The following HS6ST2 variants were observed in gnomAD, a reference collection of about 807,000 sequenced individuals.
HS6ST2 encodes heparan sulfate 6-O-sulfotransferase 2, also known as heparan-sulfate 6-O-sulfotransferase 2.
In HS6ST2, 17 loss-of-function variants were observed where a neutral mutation model predicts 33.0. That is an observed-to-expected ratio of 0.52 (90% confidence interval 0.35 to 0.77). The LOEUF is 0.77. Ranked by LOEUF, HS6ST2 falls within the 30% of genes least tolerant of loss-of-function variation. The probability of loss-of-function intolerance (pLI) is 0.01; values close to 1 mark genes in which losing one functional copy is unlikely to be tolerated. For synonymous variants in HS6ST2, 248 were observed against 237.1 expected (o/e 1.05, Z -0.42); for missense variants, 519 against 551.7 (o/e 0.94, Z 0.59).
intron 2 of HS6ST2, among the ~76,000 whole-genome samples, chrX:132,769,205 A>G (rs1395991946): frequency 8.9e-6 from 1 of 112,440 alleles, no homozygotes; most frequent in East Asian, 2.8e-4. Context: ...CCCATCAGGC[A>G]AAGAATACCT....
intron 2 of HS6ST2, among the ~76,000 whole-genome samples, chrX:132,886,783 C>A (rs1461542106): frequency 9.0e-6 from 1 of 111,206 alleles, no homozygotes. Flanking sequence ...AGCATCAATA[C>A]AATTAATGCT....
At chrX:132,794,813 A>G (rs2065160090) in intron 2 of HS6ST2, among the ~76,000 whole-genome samples, 1 of 110,670 alleles carries the variant, frequency 9.0e-6, no homozygotes, top group African/African-American at 3.3e-5. Context: ...TAATGAAGAA[A>G]CTTGCCCACA....
intron 2 of HS6ST2, among the ~76,000 whole-genome samples, chrX:132,928,919 T>C (rs1394843991): frequency 1.8e-5 from 2 of 111,732 alleles, no homozygotes; most frequent in Non-Finnish European, 1.9e-5. Flanking sequence ...ATAGTCAATT[T>C]TTGTTTCTAT....
intron 2 of HS6ST2, among the ~76,000 whole-genome samples, chrX:132,732,482 T>C (rs185270314): frequency 1.2e-3 from 135 of 111,891 alleles, no homozygotes; most frequent in African/African-American, 4.2e-3. Flanking sequence ...TTGGCCGTGT[T>C]CCCATCCAAA....
intron 4 of HS6ST2, among the ~76,000 whole-genome samples, chrX:132,646,431 C>T (rs755952655): frequency 2.6e-4 from 28 of 108,227 alleles, no homozygotes; most frequent in East Asian, 8.7e-4. Context: ...ATACTTGGGA[C>T]GCTGAAGTGG....
chrX:132,840,941 G>A (rs2065701725), intron 2 of HS6ST2, among the ~76,000 whole-genome samples: 1 of 112,294 alleles, frequency 8.9e-6, no homozygotes, highest in East Asian at 2.8e-4. Context: ...ACTGGAGTGG[G>A]CCAGTGGAAA....
At chrX:132,901,080 GACT>G (rs1202316310) in intron 2 of HS6ST2, among the ~76,000 whole-genome samples, 7 of 111,735 alleles carry the variant, frequency 6.3e-5, no homozygotes, top group African/African-American at 2.3e-4. Flanking sequence ...CAGTCCAACA[GACT>G]ACAAGGAACT....
chrX:132,886,712 A>T (rs2066256512), intron 2 of HS6ST2, among the ~76,000 whole-genome samples: 1 of 111,457 alleles, frequency 9.0e-6, no homozygotes, highest in Non-Finnish European at 1.9e-5. Flanking sequence ...AACAAAAAAG[A>T]GAAGACAGGA....
chrX:132,756,703 C>T (rs1046923226), intron 2 of HS6ST2, among the ~76,000 whole-genome samples: 2 of 110,784 alleles, frequency 1.8e-5, no homozygotes, highest in African/African-American at 6.6e-5. Context: ...GTCACCTTCT[C>T]AGGCCTGACT....
intron 3 of HS6ST2, among the ~76,000 whole-genome samples, chrX:132,695,952 G>A (rs1423067138): frequency 1.8e-5 from 2 of 111,774 alleles, no homozygotes; most frequent in East Asian, 2.8e-4. Context: ...TAGAAGAGTA[G>A]GCTGAGTTCT....
At chrX:132,900,919 T>C (rs899900973) in intron 2 of HS6ST2, among the ~76,000 whole-genome samples, 1 of 111,748 alleles carries the variant, frequency 8.9e-6, no homozygotes, top group Non-Finnish European at 1.9e-5. Flanking sequence ...AAAAAAAGAC[T>C]CTGCCTTCTC....
intron 2 of HS6ST2, among the ~76,000 whole-genome samples, chrX:132,709,749 T>C (rs749965715): frequency 9.2e-6 from 1 of 108,567 alleles, no homozygotes; most frequent in African/African-American, 3.4e-5. Flanking sequence ...AGAGAGGCTA[T>C]GATCCCTTCC....
rs919607553 is a variant in HS6ST2 at position 132,760,281 on chromosome X, T to C, written c.948-51787A>G. ...CCAAAATCTCATCTTGAGTTGCAGT[T>C]CCTATAATCCCCATGTGTCATGGGA... On this transcript the variant is annotated intron_variant, in intron 2 of 4. Coordinates refer to ENST00000370833, the MANE Select transcript of HS6ST2 (RefSeq NM_001394073.1). 4.5e-5 allele frequency among the ~76,000 whole-genome samples: 5 copies of C among 110,867 alleles called. 1 individual carries two copies. Among genetic ancestry groups the C allele is most frequent in the Non-Finnish European group, 9.4e-5 (5 of 52,950 alleles).
At chrX:132,694,703 C>T (rs916169112) in intron 3 of HS6ST2, among the ~76,000 whole-genome samples, 2 of 111,244 alleles carry the variant, frequency 1.8e-5, no homozygotes, top group Non-Finnish European at 3.8e-5. Flanking sequence ...TACAGAAGCC[C>T]ATGTAAGAAA....
chrX:132,842,542 G>T (rs947471786), intron 2 of HS6ST2, among the ~76,000 whole-genome samples: 1 of 111,407 alleles, frequency 9.0e-6, no homozygotes, highest in African/African-American at 3.3e-5. Context: ...AGAAAATCCC[G>T]AGAGAGAAAG....
At chrX:132,647,011 T>C (rs2063650170) in intron 4 of HS6ST2, among the ~76,000 whole-genome samples, 1 of 111,320 alleles carries the variant, frequency 9.0e-6, no homozygotes, top group Non-Finnish European at 1.9e-5. Flanking sequence ...GCTGGGTCCC[T>C]CCCACGACGT....
intron 3 of HS6ST2, among the ~76,000 whole-genome samples, chrX:132,670,533 C>T (rs1473026496): frequency 8.9e-6 from 1 of 112,252 alleles, no homozygotes; most frequent in Admixed American, 9.4e-5. Context: ...GGCGCGGTGG[C>T]TCATGCCTGT....
At chrX:132,881,621 G>T (rs933097625) in intron 2 of HS6ST2, among the ~76,000 whole-genome samples, 19 of 111,551 alleles carry the variant, frequency 1.7e-4, no homozygotes, top group East Asian at 8.4e-4. Context: ...AGAAGCTCTT[G>T]AGTTTAATTA....
chrX:132,959,553 T>C (rs1030448800), upstream of HS6ST2, among the ~76,000 whole-genome samples: 10 of 112,236 alleles, frequency 8.9e-5, no homozygotes, highest in Non-Finnish European at 1.9e-4. Context: ...GGTGGGGGCA[T>C]GTCCCTCCTG....
Sources: gnomAD v4.1 joint callset for allele counts (sites outside exome capture counted in the v4.1 genomes callset) on GRCh38, gnomAD v4.1.1 for gene constraint, MANE v1.5 for transcripts, NCBI Gene and HGNC (gene_info 2026-07-23, HGNC 2026-07-21) for gene names.